USP12: variants seen among roughly 807,000 people sequenced by gnomAD.
USP12 encodes ubiquitin carboxyl-terminal hydrolase 12.
Under a neutral mutation model 45.5 loss-of-function variants are expected in USP12, and 19 were observed. That is an observed-to-expected ratio of 0.42 (90% CI 0.29 to 0.61). USP12 has a LOEUF of 0.61. Among genes scored for constraint, USP12 ranks in the 20% least tolerant of loss-of-function variants. USP12 has a pLI of 0.22. For synonymous variants in USP12, 149 were observed against 148.8 expected (o/e 1.00, Z -0.01); for missense variants, 242 against 447.7 (o/e 0.54, Z 4.15).
chr13:27,133,962 T>C (rs558694035), intron 1 of USP12, among the ~76,000 whole-genome samples: 1 of 152,214 alleles, frequency 6.6e-6, no homozygotes, highest in South Asian at 2.1e-4. Flanking sequence ...TGAAATCCCA[T>C]CTCTAAATAA....
At chr13:27,075,428 T>G (rs749325606) in intron 6 of USP12, 40 bp from the exon 7 acceptor site, 13 of 1,533,520 alleles carry the variant, frequency 8.5e-6, no homozygotes, top group Admixed American at 1.8e-5. Context: ...TCATAAAAGA[T>G]ATCCACCATG....
At chr13:27,133,750 T>A (rs187989630) in intron 1 of USP12, among the ~76,000 whole-genome samples, 1 of 152,188 alleles carries the variant, frequency 6.6e-6, no homozygotes, top group African/African-American at 2.4e-5. Flanking sequence ...TCACTAATAA[T>A]CACCAACAGT....
chr13:27,078,613 T>C lies in USP12; in HGVS notation c.735-3225A>G, dbSNP rs1013844726. ...ACACTAATCCTAAGTAAACTGGCTATACTAATGTCAGACAAAGCATACAAG... is the reference window on the plus strand; with the variant it reads ...ACACTAATCCTAAGTAAACTGGCTACACTAATGTCAGACAAAGCATACAAG... On this transcript the variant is annotated intron_variant, in intron 6 of 8. Transcript: ENST00000282344. Among the ~76,000 whole-genome samples, 16 of 151,510 alleles carry C rather than the reference T, an allele frequency of 1.1e-4. No individual in the cohort carries two copies. In the South Asian group the frequency reaches 1.7e-3, roughly 16 times the overall value.
intron 2 of USP12, among the ~76,000 whole-genome samples, chr13:27,116,180 C>T (rs1397639107): frequency 2.0e-5 from 3 of 151,870 alleles, no homozygotes; most frequent in Non-Finnish European, 4.4e-5. Flanking sequence ...GGCATGGTGG[C>T]AGGCGCCTGT....
intron 1 of USP12, among the ~76,000 whole-genome samples, chr13:27,137,629 T>C (rs915628561): frequency 3.3e-5 from 5 of 152,208 alleles, no homozygotes; most frequent in Admixed American, 3.3e-4. Flanking sequence ...TGATAAGCTA[T>C]TGTGAATGCA....
At chr13:27,131,183 T>C (rs1383254442) in intron 1 of USP12, among the ~76,000 whole-genome samples, 2 of 152,180 alleles carry the variant, frequency 1.3e-5, no homozygotes, top group Non-Finnish European at 2.9e-5. Flanking sequence ...GTGGGTACAT[T>C]ACAAAGAAGA....
chr13:27,137,357 A>G (rs1468280349), intron 1 of USP12, among the ~76,000 whole-genome samples: 1 of 152,210 alleles, frequency 6.6e-6, no homozygotes, highest in Non-Finnish European at 1.5e-5. Context: ...GCTTTATAAA[A>G]AGACTCAGTT....
chr13:27,161,400 A>C (rs1219626982), intron 1 of USP12, among the ~76,000 whole-genome samples: 2 of 152,166 alleles, frequency 1.3e-5, no homozygotes, highest in African/African-American at 4.8e-5. Context: ...TTACCCCTAC[A>C]ACTTAAGTAC....
At chr13:27,114,225 T>C (rs955001995) in intron 2 of USP12, among the ~76,000 whole-genome samples, 13 of 152,082 alleles carry the variant, frequency 8.5e-5, no homozygotes, top group African/African-American at 3.1e-4. Context: ...AAAAAAAAGC[T>C]ATTCAAAAAA....
chr13:27,072,284 GT>G (rs1873280521), intron 7 of USP12, among the ~76,000 whole-genome samples: 1 of 152,110 alleles, frequency 6.6e-6, no homozygotes, highest in Non-Finnish European at 1.5e-5. Flanking sequence ...TCAAAGAAAG[GT>G]TGCAGAACAC....
At chr13:27,155,293 A>T (rs527572176) in intron 1 of USP12, among the ~76,000 whole-genome samples, 8 of 151,628 alleles carry the variant, frequency 5.3e-5, no homozygotes, top group African/African-American at 1.9e-4. Context: ...ATGTTGGCCA[A>T]GATGGTCTTG....
At chr13:27,114,764 A>G (rs1207499306) in intron 2 of USP12, among the ~76,000 whole-genome samples, 5 of 129,096 alleles carry the variant, frequency 3.9e-5, no homozygotes, top group African/African-American at 1.3e-4. Flanking sequence ...CCTCCTCTCC[A>G]TTTTTAAAAA....
rs8001868 is a variant in USP12 at position 27,130,915 on chromosome 13, G to C, written c.49-14319C>G. ...AACAACATTTAAATTCCACCACTTT[G>C]CTTCAGCAAGCCGTGACGCTTAAAA... On this transcript the variant is annotated intron_variant, in intron 1 of 8. Coordinates refer to ENST00000282344, the MANE Select transcript of USP12 (RefSeq NM_182488.4). Among the ~76,000 whole-genome samples, 800 of 152,274 alleles carry C rather than the reference G, an allele frequency of 5.3e-3. 8 individuals are homozygous for C. Among genetic ancestry groups the C allele is most frequent in the African/African-American group, 0.018 (766 of 41,546 alleles).
intron 6 of USP12, chr13:27,078,005 T>C (rs919767409): frequency 4.0e-5 from 6 of 151,470 alleles, no homozygotes; most frequent in African/African-American, 4.8e-5. Flanking sequence ...CCTTTTAAGT[T>C]TGAATAAACA....
At chr13:27,158,630 GT>G (rs1682272075) in intron 1 of USP12, among the ~76,000 whole-genome samples, 1 of 152,124 alleles carries the variant, frequency 6.6e-6, no homozygotes, top group Admixed American at 6.5e-5. Flanking sequence ...TAACACAATG[GT>G]AAGTATTCAT....
chr13:27,087,179 C>A (rs916189705), intron 6 of USP12, among the ~76,000 whole-genome samples: 1 of 149,592 alleles, frequency 6.7e-6, no homozygotes, highest in African/African-American at 2.5e-5. Flanking sequence ...GGAGCGGGGG[C>A]AGGAAGGCAG....
chr13:27,137,194 G>A (rs746091466), intron 1 of USP12, among the ~76,000 whole-genome samples: 2 of 152,090 alleles, frequency 1.3e-5, no homozygotes, highest in African/African-American at 2.4e-5. Flanking sequence ...TGAACAAAGG[G>A]TTGTCCAAGG....
chr13:27,103,606 A>AAAAAAT (rs1555234500), intron 3 of USP12, among the ~76,000 whole-genome samples: 1 of 118,304 alleles, frequency 8.5e-6, no homozygotes, highest in Admixed American at 9.4e-5. Context: ...ATCAAAAAAA[A>AAAAAAT]AAATAATAAT....
intron 6 of USP12, among the ~76,000 whole-genome samples, chr13:27,084,943 A>G: frequency 6.6e-6 from 1 of 152,166 alleles, no homozygotes; most frequent in East Asian, 1.9e-4. Context: ...GAATTTTGAT[A>G]GGGACTGCAC....
Sources: allele counts gnomAD v4.1 joint callset (sites outside exome capture counted in the v4.1 genomes callset), GRCh38; gene constraint gnomAD v4.1.1; transcripts MANE v1.5; gene names NCBI Gene and HGNC (gene_info 2026-07-23, HGNC 2026-07-21).